The following ABHD17C variants were observed in gnomAD, a reference collection of about 807,000 sequenced individuals.
The protein encoded by ABHD17C is alpha/beta hydrolase domain-containing protein 17C.
Under a neutral mutation model 27.9 loss-of-function variants are expected in ABHD17C, and 11 were observed. The observed-to-expected ratio is 0.39, with a 90% CI of 0.25 to 0.65. ABHD17C has a LOEUF of 0.65. Ranked by LOEUF, ABHD17C falls within the 30% of genes least tolerant of loss-of-function variation. The pLI is 0.45. For synonymous variants in ABHD17C, 233 were observed against 209.1 expected, an observed-to-expected ratio of 1.11 and a Z score of -0.98; for missense variants, 280 against 470.2, an observed-to-expected ratio of 0.60 and a Z score of 3.74.
At chr15:80,728,123 A>G (rs1452247492) in intron 1 of ABHD17C, among the ~76,000 whole-genome samples, 1 of 152,158 alleles carries the variant, frequency 6.6e-6, no homozygotes, top group African/African-American at 2.4e-5. Context: ...CCACCTTGTA[A>G]ACTGTTGCCA....
At chr15:80,744,112 C>G (rs1290636379) in intron 1 of ABHD17C, among the ~76,000 whole-genome samples, 1 of 150,690 alleles carries the variant, frequency 6.6e-6, no homozygotes, top group Non-Finnish European at 1.5e-5. Context: ...TTTTTCCCCC[C>G]TCTGTCTTTT....
At chr15:80,707,569 CT>C (rs1158784805) in intron 1 of ABHD17C, among the ~76,000 whole-genome samples, 1 of 151,142 alleles carries the variant, frequency 6.6e-6, no homozygotes, top group African/African-American at 2.4e-5. Flanking sequence ...TGAGCCCCCC[CT>C]CAAAAAAAAA....
At chr15:80,742,984 T>C (rs1041467936) in intron 1 of ABHD17C, among the ~76,000 whole-genome samples, 3 of 39,764 alleles carry the variant, frequency 7.5e-5, no homozygotes, top group Non-Finnish European at 1.4e-4. Context: ...TCAGAGGGCT[T>C]AGGGTTGAGT....
intron 1 of ABHD17C, among the ~76,000 whole-genome samples, chr15:80,716,572 G>T (rs1030299805): frequency 1.3e-5 from 2 of 152,056 alleles, no homozygotes. Context: ...AGTGTAAGAT[G>T]CCATTAATAA....
intron 1 of ABHD17C, among the ~76,000 whole-genome samples, chr15:80,730,944 G>A (rs1184867266): frequency 6.6e-6 from 1 of 152,168 alleles, no homozygotes; most frequent in African/African-American, 2.4e-5. Flanking sequence ...ATAAATCAGG[G>A]TGTAGGATTT....
At chr15:80,744,513 A>G (rs1287384376) in intron 1 of ABHD17C, among the ~76,000 whole-genome samples, 2 of 152,228 alleles carry the variant, frequency 1.3e-5, no homozygotes, top group Non-Finnish European at 2.9e-5. Flanking sequence ...GTCCAACAGT[A>G]TAGTAAAGAC....
intron 1 of ABHD17C, among the ~76,000 whole-genome samples, chr15:80,744,937 T>C (rs1895262321): frequency 6.6e-6 from 1 of 152,238 alleles, no homozygotes. Context: ...ACATCATTTT[T>C]AATGGTCTGA....
intron 1 of ABHD17C, among the ~76,000 whole-genome samples, chr15:80,730,026 G>T (rs1184817011): frequency 6.6e-6 from 1 of 152,114 alleles, no homozygotes; most frequent in Non-Finnish European, 1.5e-5. Context: ...GGCTGAGACA[G>T]GAGAACCACG....
In ABHD17C at chr15:80,712,915, A is replaced by G. The variant is rs190159902; in HGVS notation, c.590+16896A>G. Among the ~76,000 whole-genome samples, 397 of 152,298 alleles carry G rather than the reference A, an allele frequency of 2.6e-3. 3 individuals are homozygous for G. The highest frequency in any genetic ancestry group is 0.024 in the Middle Eastern group (7 of 294). On this transcript the variant is annotated intron_variant, in intron 1 of 2. Coordinates refer to ENST00000258884, the MANE Select transcript of ABHD17C (RefSeq NM_021214.2). ...CCATGTTGTTTATTAAAAACAAAACAAAACTTTATAATGGAAAAATCTCAA... is the reference window on the plus strand; with the variant it reads ...CCATGTTGTTTATTAAAAACAAAACGAAACTTTATAATGGAAAAATCTCAA...
At chr15:80,717,244 A>C (rs1261333220) in intron 1 of ABHD17C, among the ~76,000 whole-genome samples, 1 of 115,896 alleles carries the variant, frequency 8.6e-6, no homozygotes, top group Non-Finnish European at 1.7e-5. Flanking sequence ...GCCAGTGAGC[A>C]TTTGATGGGG....
At chr15:80,703,684 TAGC>T (rs1894605086) in intron 1 of ABHD17C, among the ~76,000 whole-genome samples, 1 of 152,194 alleles carries the variant, frequency 6.6e-6, no homozygotes, top group African/African-American at 2.4e-5. Context: ...TGAGACACAC[TAGC>T]CTAGAAATGT....
intron 1 of ABHD17C, among the ~76,000 whole-genome samples, chr15:80,707,658 C>T (rs779987236): frequency 1.3e-5 from 2 of 151,826 alleles, no homozygotes; most frequent in African/African-American, 4.8e-5. Context: ...CATCCTGGGC[C>T]GAGGGTTGGA....
chr15:80,730,153 G>T (rs1313434691), intron 1 of ABHD17C, among the ~76,000 whole-genome samples: 1 of 151,850 alleles, frequency 6.6e-6, no homozygotes, highest in African/African-American at 2.4e-5. Flanking sequence ...TGAGCAACTA[G>T]GCATAGACAT....
intron 1 of ABHD17C, among the ~76,000 whole-genome samples, chr15:80,729,091 C>G (rs1895022100): frequency 1.3e-5 from 2 of 152,190 alleles, no homozygotes; most frequent in African/African-American, 4.8e-5. Context: ...TCAGGTCTTC[C>G]TTGTTTATTA....
chr15:80,751,909 A>G (rs1895370945), intron 2 of ABHD17C, among the ~76,000 whole-genome samples: 1 of 152,238 alleles, frequency 6.6e-6, no homozygotes, highest in Non-Finnish European at 1.5e-5. Context: ...TTTTCTTAAT[A>G]TGTCCGTTGT....
At chr15:80,747,192 A>G (rs1042621417) in intron 1 of ABHD17C, among the ~76,000 whole-genome samples, 3 of 152,156 alleles carry the variant, frequency 2.0e-5, no homozygotes, top group African/African-American at 4.8e-5. Context: ...CAAATGTGGA[A>G]ATTGGAGGCT....
At chr15:80,743,993 C>A (rs1043092236) in intron 1 of ABHD17C, among the ~76,000 whole-genome samples, 3 of 152,186 alleles carry the variant, frequency 2.0e-5, no homozygotes, top group Non-Finnish European at 4.4e-5. Flanking sequence ...GACTTTGGAA[C>A]TGTTAATGTT....
chr15:80,728,863 A>G (rs1309204768), intron 1 of ABHD17C, among the ~76,000 whole-genome samples: 1 of 152,190 alleles, frequency 6.6e-6, no homozygotes, highest in Non-Finnish European at 1.5e-5. Context: ...CTCCTGCCTC[A>G]GCCTCCCAAA....
At chr15:80,740,418 A>C (rs1184132822) in intron 1 of ABHD17C, among the ~76,000 whole-genome samples, 2 of 152,058 alleles carry the variant, frequency 1.3e-5, no homozygotes, top group African/African-American at 4.8e-5. Flanking sequence ...TAGTAGGAGA[A>C]TACATCAACT....
Sources: gnomAD v4.1 joint callset for allele counts (sites outside exome capture counted in the v4.1 genomes callset) on GRCh38, gnomAD v4.1.1 for gene constraint, MANE v1.5 for transcripts, NCBI Gene and HGNC (gene_info 2026-07-23, HGNC 2026-07-21) for gene names.